Variants in PAQR8 observed in about 807,000 individuals in gnomAD.
PAQR8 encodes the protein progestin and adipoQ receptor family member 8.
Under a neutral mutation model 25.2 loss-of-function variants are expected in PAQR8, and 17 were observed. That is an observed-to-expected ratio of 0.67 (90% confidence interval 0.46 to 1.01). The LOEUF (loss-of-function observed/expected upper bound fraction) is 1.01, where lower values mean the gene tolerates loss of function less well. Among genes scored for constraint, PAQR8 ranks in the 50% least tolerant of loss-of-function variants. The pLI is 0.00. For missense variants in PAQR8, 392 were observed against 448.4 expected (o/e 0.87, Z 1.14); for synonymous variants, 204 against 190.6 (o/e 1.07, Z -0.58).
intron 1 of PAQR8, among the ~76,000 whole-genome samples, chr6:52,372,849 C>A (rs1440458038): frequency 6.6e-5 from 10 of 151,688 alleles, no homozygotes; most frequent in Middle Eastern, 3.4e-3. Context: ...AGGTAAGGAC[C>A]CTTTTATTAT....
chr6:52,401,367 A>G (rs376681892), intron 1 of PAQR8, among the ~76,000 whole-genome samples: 1 of 152,250 alleles, frequency 6.6e-6, no homozygotes, highest in African/African-American at 2.4e-5. Context: ...CTTGGGAAAC[A>G]TAATTACATA....
At chr6:52,370,066 T>C (rs1318652145) in intron 1 of PAQR8, among the ~76,000 whole-genome samples, 6 of 148,914 alleles carry the variant, frequency 4.0e-5, no homozygotes, top group African/African-American at 1.0e-4. Context: ...ATTTCTTGGA[T>C]TGCATGGGTT....
intron 1 of PAQR8, among the ~76,000 whole-genome samples, chr6:52,386,494 G>A (rs1441728888): frequency 1.3e-5 from 2 of 152,202 alleles, no homozygotes; most frequent in African/African-American, 4.8e-5. Flanking sequence ...ATTGTGGTAT[G>A]TACACATAAT....
intron 1 of PAQR8, among the ~76,000 whole-genome samples, chr6:52,374,666 G>T (rs554252339): frequency 1.3e-5 from 2 of 152,156 alleles, no homozygotes; most frequent in South Asian, 4.1e-4. Flanking sequence ...GCCTCATAAA[G>T]TGCTGGGATT....
Position 52,404,094 on chromosome 6 carries a change from T to A in PAQR8, c.881T>A (p.Leu294His). The A allele has an allele frequency of 3.1e-6, 5 of 1,614,208 alleles. No individual in the cohort carries two copies. Among genetic ancestry groups the A allele is most frequent in the Non-Finnish European group, 4.2e-6 (5 of 1,180,024 alleles). ...IFHAFLSICT[L>H]SQLEAILLDY... The stretch of plus-strand genomic sequence containing the variant: ...CATGCATTTCTGTCCATCTGTACGC[T>A]CTCCCAGCTGGAGGCCATCCTCCTG... Residue 294 changes from leucine to histidine, a missense_variant, in exon 2 of 2, where the codon CTC becomes CAC. Transcript: ENST00000442253.
intron 1 of PAQR8, among the ~76,000 whole-genome samples, chr6:52,383,193 CGTT>C (rs1763584026): frequency 6.6e-6 from 1 of 152,206 alleles, no homozygotes; most frequent in African/African-American, 2.4e-5. Flanking sequence ...GTAGACATCA[CGTT>C]AACGTGATAA....
Position 52,404,381 on chromosome 6 carries a change from A to C in PAQR8, c.*103A>C. ...AAGGCATTGGCTTTTAAATTAATAC[A>C]TATATCCAAGGATATGTTATAGCTG... On this transcript the variant is annotated 3_prime_UTR_variant, in exon 2 of 2. Transcript: ENST00000442253. 1.8e-6 allele frequency: 2 copies of C among 1,091,254 alleles called. No individual in the cohort carries two copies. The highest frequency in any genetic ancestry group is 2.6e-6 in the Non-Finnish European group (2 of 771,812). 67.6% of individuals were successfully genotyped at this position (1,091,254 alleles called of 1,614,324 possible).
At chr6:52,373,652 C>T (rs1170654230) in intron 1 of PAQR8, 2 of 152,168 alleles carry the variant, frequency 1.3e-5, no homozygotes, top group Non-Finnish European at 2.9e-5. Flanking sequence ...CTGATTCTGC[C>T]TCTCCAGAGA....
chr6:52,406,684 T>G lies in PAQR8; in HGVS notation c.*2406T>G. 1 of 404,354 alleles carries G rather than the reference T, an allele frequency of 2.5e-6. No homozygotes were observed. The highest frequency in any genetic ancestry group is 4.4e-6 in the Non-Finnish European group (1 of 225,000). The allele number at this position is 404,354 out of a possible 1,614,324, so 25.0% of individuals were successfully genotyped here. A position where few individuals can be genotyped will look rare whatever the true frequency, so the allele number is the denominator to read the frequency against. On this transcript the variant is annotated 3_prime_UTR_variant, in exon 2 of 2. Coordinates refer to ENST00000442253, the MANE Select transcript of PAQR8 (RefSeq NM_133367.5). ...CTCAAGCAATCCTCCCACCTCAGCC[T>G]CCTAAGTACCTGGTACTACAGGCGC...
intron 1 of PAQR8, among the ~76,000 whole-genome samples, chr6:52,371,861 T>TA (rs1763423124): frequency 6.6e-6 from 1 of 152,174 alleles, no homozygotes; most frequent in Non-Finnish European, 1.5e-5. Context: ...GCTCTTAAAG[T>TA]TAGTGTCAGA....
rs1017428434 is a variant in PAQR8, at chr6:52,383,489, G to A, written c.-52-19673G>A. Among the ~76,000 whole-genome samples, 82 of 151,858 alleles carry A rather than the reference G, an allele frequency of 5.4e-4. 1 individual carries two copies. Among genetic ancestry groups the A allele is most frequent in the African/African-American group, 1.8e-3 (75 of 41,414 alleles). On this transcript the variant is annotated intron_variant, in intron 1 of 1. Transcript: ENST00000442253. ...ATCCCGGCTAAAACGGTGAAACCCC[G>A]TCTCTACTAAAAATACAAAAAATTA...
intron 1 of PAQR8, among the ~76,000 whole-genome samples, chr6:52,385,304 T>C (rs1763619131): frequency 6.6e-6 from 1 of 152,216 alleles, no homozygotes; most frequent in African/African-American, 2.4e-5. Context: ...CATCGTCTTC[T>C]GCCATGATTG....
intron 1 of PAQR8, among the ~76,000 whole-genome samples, chr6:52,368,097 G>A (rs1160482248): frequency 6.6e-6 from 1 of 152,130 alleles, no homozygotes; most frequent in Non-Finnish European, 1.5e-5. Context: ...AGGTGTGGTG[G>A]CACGTGCCTG....
In PAQR8 at chr6:52,405,782, G is replaced by T. The variant is rs1227101444; in HGVS notation, c.*1504G>T. The T allele has an allele frequency of 6.0e-6, 1 of 166,966 alleles. No individual in the cohort carries two copies. Among genetic ancestry groups the T allele is most frequent in the East Asian group, 1.9e-4 (1 of 5,198 alleles). 10.3% of individuals were successfully genotyped at this position (166,966 alleles called of 1,614,324 possible). ...CCTTTTTGTGAGATTTGTGGGTTTTGTGCCTTATAAATGGAAATGTATGAA... is the reference window on the plus strand; with the variant it reads ...CCTTTTTGTGAGATTTGTGGGTTTTTTGCCTTATAAATGGAAATGTATGAA... On this transcript the variant is annotated 3_prime_UTR_variant, in exon 2 of 2. Transcript: ENST00000442253.
At chr6:52,387,196 T>C (rs76662096) in intron 1 of PAQR8, among the ~76,000 whole-genome samples, 6,310 of 152,232 alleles carry the variant, frequency 0.041, 223 homozygotes, top group East Asian at 0.15. Context: ...TGATGGGATG[T>C]CTTGGGAGAG....
At chr6:52,375,702 T>C (rs1763477518) in intron 1 of PAQR8, among the ~76,000 whole-genome samples, 2 of 152,128 alleles carry the variant, frequency 1.3e-5, no homozygotes, top group African/African-American at 4.8e-5. Context: ...TATTTATTTA[T>C]TCTTTTGTAG....
chr6:52,393,382 C>T (rs993588163), intron 1 of PAQR8, among the ~76,000 whole-genome samples: 1 of 131,052 alleles, frequency 7.6e-6, no homozygotes, highest in East Asian at 2.2e-4. Flanking sequence ...GTTGTCCAGG[C>T]TGGAGTGCAG....
Position 52,404,990 on chromosome 6 carries a change from TATTCTC to T in PAQR8, c.*715_*720del, listed in dbSNP as rs1028850520. The stretch of plus-strand genomic sequence containing the variant: ...GATTCATGTGGACATTCAGGAAGCT[TATTCTC>T]ATATAATACTAATCTAAACAGTACT... On this transcript the variant is annotated 3_prime_UTR_variant, in exon 2 of 2. Coordinates refer to ENST00000442253, the MANE Select transcript of PAQR8 (RefSeq NM_133367.5). 6.0e-6 allele frequency: 1 copy of T among 167,106 alleles called. No homozygotes were observed. The highest frequency in any genetic ancestry group is 1.5e-5 in the Non-Finnish European group (1 of 68,192). The allele number at this position is 167,106 out of a possible 1,614,324, so 10.4% of individuals were successfully genotyped here.
Position 52,364,083 on chromosome 6 carries a change from G to GTTTTTTTTTTTTTTTT in PAQR8, c.-53+1839_-53+1854dup, listed in dbSNP as rs67846872. Among the ~76,000 whole-genome samples, 558 of 84,274 alleles carry GTTTTTTTTTTTTTTTT rather than the reference G, an allele frequency of 6.6e-3. 98 individuals carry two copies. Among genetic ancestry groups the GTTTTTTTTTTTTTTTT allele is most frequent in the Non-Finnish European group, 9.7e-3 (446 of 45,822 alleles). 55.3% of individuals were successfully genotyped at this position (84,274 alleles called of 152,430 possible). ...AGTGGATATATCCATTGAAAGATAT[G>GTTTTTTTTTTTTTTTT]TTTTTTTTTTTTTTTTTTTTGCGGG... On this transcript the variant is annotated intron_variant, in intron 1 of 1. Coordinates refer to ENST00000442253, the MANE Select transcript of PAQR8 (RefSeq NM_133367.5).
Sources: allele counts gnomAD v4.1 joint callset (sites outside exome capture counted in the v4.1 genomes callset), GRCh38; gene constraint gnomAD v4.1.1; transcripts MANE v1.5; gene names NCBI Gene and HGNC (gene_info 2026-07-23, HGNC 2026-07-21).